UGGT2: variants seen among roughly 807,000 people sequenced by gnomAD.
The protein encoded by UGGT2 is UDP-glucose:glycoprotein glucosyltransferase 2.
UGGT2 carries 180 observed loss-of-function variants against 192.1 expected under a neutral mutation model. The ratio of observed to expected loss-of-function variants is 0.94; its 90% CI spans 0.83 to 1.06. The LOEUF is 1.06. Among genes scored for constraint, UGGT2 ranks in the 50% least tolerant of loss-of-function variants. The probability of loss-of-function intolerance (pLI) is 0.00; values close to 1 mark genes in which losing one functional copy is unlikely to be tolerated. For synonymous variants in UGGT2, 580 were observed against 591.0 expected, an observed-to-expected ratio of 0.98 and a Z score of 0.27; for missense variants, 1,849 against 1,795.7, an observed-to-expected ratio of 1.03 and a Z score of -0.54.
chr13:96,010,224 T>C (rs1361954028), intron 5 of UGGT2, among the ~76,000 whole-genome samples: 4 of 152,062 alleles, frequency 2.6e-5, no homozygotes, highest in Admixed American at 2.0e-4. Context: ...AGCAAAAACA[T>C]GGAAATCAAC....
chr13:95,894,002 A>T (rs1259083256), intron 24 of UGGT2, among the ~76,000 whole-genome samples: 1 of 152,160 alleles, frequency 6.6e-6, no homozygotes, highest in African/African-American at 2.4e-5. Context: ...GATTCTCAGG[A>T]GATCTAGAGA....
intron 1 of UGGT2, among the ~76,000 whole-genome samples, chr13:96,035,026 C>T (rs917482382): frequency 2.6e-5 from 4 of 152,334 alleles, no homozygotes; most frequent in Non-Finnish European, 4.4e-5. Flanking sequence ...ACCCTTATCA[C>T]GGGATCCTTA....
chr13:96,043,432 G>A (rs750664883), intron 1 of UGGT2, among the ~76,000 whole-genome samples: 8 of 151,758 alleles, frequency 5.3e-5, no homozygotes, highest in Non-Finnish European at 7.4e-5. Context: ...CATAAATCTC[G>A]CAGGACCTAT....
chr13:95,889,475 T>C (rs561342188), intron 25 of UGGT2, among the ~76,000 whole-genome samples: 3 of 152,290 alleles, frequency 2.0e-5, no homozygotes, highest in East Asian at 1.9e-4. Context: ...GCGAATCATA[T>C]GGCTTGATCA....
intron 22 of UGGT2, 23 bp downstream of exon 22, chr13:95,900,784 G>C (rs369096547): frequency 5.6e-6 from 9 of 1,597,142 alleles, no homozygotes; most frequent in African/African-American, 4.0e-5. Flanking sequence ...TGAGAAAAGA[G>C]AGCAATAGCT....
chr13:95,852,825 C>A (rs1889185042), intron 36 of UGGT2, among the ~76,000 whole-genome samples: 1 of 151,952 alleles, frequency 6.6e-6, no homozygotes, highest in Non-Finnish European at 1.5e-5. Flanking sequence ...TGGGGGTGCA[C>A]TGGATGAAGG....
rs547683651 is a variant in UGGT2, at chr13:95,884,632, G to A, written c.3087C>T (p.Asp1029=). The A allele has an allele frequency of 1.1e-5, 18 of 1,613,772 alleles. No individual in the cohort carries two copies. In the South Asian group the frequency reaches 1.3e-4, roughly 12 times the overall value. Residue 1029 remains aspartate, a synonymous_variant, in exon 27 of 39, where the codon GAC becomes GAT. Coordinates refer to ENST00000376747, the MANE Select transcript of UGGT2 (RefSeq NM_020121.4). ...LEPELMSGAN[D]VSSLGPVAKF... ...TTGCCACTGGTCCAAGAGAAGAAAC[G>A]TCATTAGCCCCTGACATCAGTTCTG...
intron 4 of UGGT2, among the ~76,000 whole-genome samples, chr13:96,021,592 C>T (rs1456603763): frequency 6.6e-6 from 1 of 151,994 alleles, no homozygotes; most frequent in Non-Finnish European, 1.5e-5. Flanking sequence ...AACACAGAAA[C>T]ATGAAAACAA....
chr13:95,826,157 G>T (rs1314673728), intron 38 of UGGT2, among the ~76,000 whole-genome samples: 1 of 151,956 alleles, frequency 6.6e-6, no homozygotes, highest in Non-Finnish European at 1.5e-5. Flanking sequence ...TTGATAAAAT[G>T]CAACCAATTC....
At chr13:95,854,294 T>A in intron 35 of UGGT2, 21 bp downstream of exon 35, 1 of 1,597,326 alleles carries the variant, frequency 6.3e-7, no homozygotes, top group Non-Finnish European at 8.5e-7. Context: ...TACTAAATGG[T>A]AAGGGTCTGA....
intron 36 of UGGT2, among the ~76,000 whole-genome samples, chr13:95,850,569 T>C (rs550661496): frequency 6.6e-6 from 1 of 152,356 alleles, no homozygotes; most frequent in South Asian, 2.1e-4. Context: ...GGAGTAGACA[T>C]GCTGGCAGAG....
At chr13:95,904,091 C>CT (rs2048196137) in intron 20 of UGGT2, among the ~76,000 whole-genome samples, 1 of 151,698 alleles carries the variant, frequency 6.6e-6, no homozygotes, top group East Asian at 1.9e-4. Flanking sequence ...GACTTAAGGG[C>CT]TTTTTTTGGT....
chr13:95,869,199 C>G (rs934341313), intron 29 of UGGT2, among the ~76,000 whole-genome samples: 3 of 151,906 alleles, frequency 2.0e-5, no homozygotes, highest in African/African-American at 7.3e-5. Flanking sequence ...CATCCATGTC[C>G]CTACAAAGGA....
intron 4 of UGGT2, among the ~76,000 whole-genome samples, chr13:96,014,412 G>C (rs914880016): frequency 1.3e-5 from 2 of 152,190 alleles, no homozygotes; most frequent in Non-Finnish European, 2.9e-5. Flanking sequence ...TTCAATTCTA[G>C]CTTAACTACT....
intron 20 of UGGT2, among the ~76,000 whole-genome samples, chr13:95,914,209 C>A (rs2048601606): frequency 6.6e-6 from 1 of 150,898 alleles, no homozygotes; most frequent in African/African-American, 2.4e-5. Context: ...ATCAAACCTG[C>A]ATGTTGTGCA....
chr13:96,011,441 A>G (rs2052159193), intron 5 of UGGT2, among the ~76,000 whole-genome samples: 1 of 152,120 alleles, frequency 6.6e-6, no homozygotes. Flanking sequence ...TTCATTAGTC[A>G]TTAGAGAAAT....
chr13:95,913,675 G>C (rs2048579608), intron 20 of UGGT2, among the ~76,000 whole-genome samples: 1 of 152,232 alleles, frequency 6.6e-6, no homozygotes, highest in South Asian at 2.1e-4. Flanking sequence ...GGAAGACAGT[G>C]TGGTGATTCC....
intron 2 of UGGT2, 88 bp from the exon 3 acceptor site, chr13:96,023,847 C>A (rs1301849553): frequency 9.2e-7 from 1 of 1,091,038 alleles, no homozygotes; most frequent in Non-Finnish European, 1.2e-6. Context: ...AACTTAATGT[C>A]ATATAATCAT....
chr13:96,010,184 T>C (rs2052115359), intron 5 of UGGT2, among the ~76,000 whole-genome samples: 1 of 152,194 alleles, frequency 6.6e-6, no homozygotes, highest in Admixed American at 6.5e-5. Context: ...AACACATGCA[T>C]GCATATGTTC....
Sources: allele counts gnomAD v4.1 joint callset (sites outside exome capture counted in the v4.1 genomes callset), GRCh38; gene constraint gnomAD v4.1.1; transcripts MANE v1.5; gene names NCBI Gene and HGNC (gene_info 2026-07-23, HGNC 2026-07-21).